The following ZFHX3 variants were observed in gnomAD, a reference collection of about 807,000 sequenced individuals.
The protein encoded by ZFHX3 is zinc finger homeobox protein 3.
ZFHX3 carries 42 observed loss-of-function variants against 279.1 expected under a neutral mutation model. The observed-to-expected ratio is 0.15, with a 90% CI of 0.12 to 0.19. ZFHX3 has a LOEUF of 0.19. ZFHX3 is among the 10% of genes least tolerant of loss of function. ZFHX3 has a pLI of 1.00. For missense variants in ZFHX3, 4,981 were observed against 4,754.0 expected (o/e 1.05, Z -1.40); for synonymous variants, 2,293 against 1,957.8 (o/e 1.17, Z -4.52).
intron 3 of ZFHX3, among the ~76,000 whole-genome samples, 175 bp downstream of exon 3, chr16:72,950,294 C>T (rs951120347): frequency 1.3e-5 from 2 of 152,084 alleles, no homozygotes; most frequent in African/African-American, 4.8e-5. Flanking sequence ...GTCACGTTTC[C>T]ACCTGGTGAC....
intron 4 of ZFHX3, among the ~76,000 whole-genome samples, chr16:73,277,322 A>G (rs1350490362): frequency 6.6e-6 from 1 of 152,210 alleles, no homozygotes; most frequent in Non-Finnish European, 1.5e-5. Flanking sequence ...CTTAATACCA[A>G]CCTTGCCTCA....
chr16:73,026,438 A>T (rs1020875143), intron 1 of ZFHX3, among the ~76,000 whole-genome samples: 1 of 151,756 alleles, frequency 6.6e-6, no homozygotes, highest in Non-Finnish European at 1.5e-5. Context: ...TTGGGAGGCC[A>T]AGGCGGGTGG....
intron 2 of ZFHX3, among the ~76,000 whole-genome samples, chr16:73,495,393 A>G (rs16972039): frequency 0.091 from 13,829 of 152,212 alleles, 969 homozygotes; most frequent in Admixed American, 0.24. Context: ...TTGGATGCAA[A>G]CGAAAGAAAT....
intron 3 of ZFHX3, among the ~76,000 whole-genome samples, chr16:72,894,888 G>C (rs565783658): frequency 1.3e-5 from 2 of 152,302 alleles, no homozygotes; most frequent in South Asian, 4.2e-4. Context: ...GGGCAACCGG[G>C]TTCTGTTTTT....
chr16:73,416,222 G>A (rs778596881), intron 3 of ZFHX3, among the ~76,000 whole-genome samples: 15 of 152,034 alleles, frequency 9.9e-5, no homozygotes, highest in Non-Finnish European at 1.9e-4. Context: ...CACACAGTGA[G>A]CACAGACTGG....
chr16:73,049,111 T>C (rs1965402579), upstream of ZFHX3, among the ~76,000 whole-genome samples: 2 of 152,200 alleles, frequency 1.3e-5, no homozygotes, highest in African/African-American at 4.8e-5. Context: ...AAGCGATTGC[T>C]GGGCGCCTTC....
chr16:73,502,104 G>A (rs1445931917), intron 2 of ZFHX3, among the ~76,000 whole-genome samples: 1 of 151,860 alleles, frequency 6.6e-6, no homozygotes, highest in Non-Finnish European at 1.5e-5. Flanking sequence ...GTTACTAATC[G>A]GGGGTGGGGG....
chr16:73,843,641 C>G (rs930286854), intron 1 of ZFHX3, among the ~76,000 whole-genome samples: 6 of 152,218 alleles, frequency 3.9e-5, no homozygotes, highest in African/African-American at 1.4e-4. Context: ...TTGCTCTCCT[C>G]GTATCATCTG....
intron 1 of ZFHX3, among the ~76,000 whole-genome samples, chr16:73,695,184 C>T (rs750996519): frequency 4.0e-5 from 6 of 151,894 alleles, no homozygotes; most frequent in Non-Finnish European, 8.8e-5. Context: ...TATATCTATA[C>T]TATTTTTTTC....
chr16:73,836,905 T>C (rs762696879), intron 1 of ZFHX3, among the ~76,000 whole-genome samples: 13 of 152,226 alleles, frequency 8.5e-5, no homozygotes, highest in Non-Finnish European at 1.8e-4. Flanking sequence ...TTGCCTCTCA[T>C]CTTCTGCCTC....
At chr16:72,869,510 A>G (rs192977660) in intron 4 of ZFHX3, among the ~76,000 whole-genome samples, 20 of 152,316 alleles carry the variant, frequency 1.3e-4, no homozygotes, top group Admixed American at 1.1e-3. Context: ...TTATTCTGTA[A>G]TAGTTTCTTT....
At chr16:73,406,055 A>G (rs1024948925) in intron 3 of ZFHX3, among the ~76,000 whole-genome samples, 1 of 152,226 alleles carries the variant, frequency 6.6e-6, no homozygotes, top group Admixed American at 6.5e-5. Context: ...CACACATTCT[A>G]TCGTCTCTAG....
At chr16:73,177,949 C>A (rs117542639) in intron 5 of ZFHX3, among the ~76,000 whole-genome samples, 4 of 151,478 alleles carry the variant, frequency 2.6e-5, no homozygotes, top group Non-Finnish European at 4.4e-5. Flanking sequence ...GTCAGCCTCA[C>A]GTGAAAAACA....
chr16:73,352,020 C>G (rs1301076931), intron 3 of ZFHX3, among the ~76,000 whole-genome samples: 1 of 152,232 alleles, frequency 6.6e-6, no homozygotes, highest in African/African-American at 2.4e-5. Flanking sequence ...TAACTTCTCC[C>G]TGGATGCAGG....
At chr16:73,545,633 CTCT>C (rs2020095608) in intron 2 of ZFHX3, among the ~76,000 whole-genome samples, 4 of 152,080 alleles carry the variant, frequency 2.6e-5, no homozygotes, top group Non-Finnish European at 5.9e-5. Context: ...TTAGTTTGTG[CTCT>C]TCTTCTTGCC....
At chr16:73,735,085 G>A (rs183199030) in intron 1 of ZFHX3, among the ~76,000 whole-genome samples, 6 of 152,082 alleles carry the variant, frequency 3.9e-5, no homozygotes, top group African/African-American at 1.2e-4. Flanking sequence ...CTTTAACCAC[G>A]TTAGGTATAC....
At chr16:73,257,058 C>G (rs535479067) in exon 5 of ZFHX3, 1 of 152,110 alleles carries the variant, frequency 6.6e-6, no homozygotes, top group African/African-American at 2.4e-5. Context: ...TTCTCCAAAT[C>G]GAGGGTGAAG....
intron 3 of ZFHX3, among the ~76,000 whole-genome samples, chr16:73,411,905 C>T (rs1028332534): frequency 3.3e-5 from 5 of 152,206 alleles, no homozygotes; most frequent in Non-Finnish European, 5.9e-5. Context: ...CAGGTGCCTC[C>T]ATGTGTGGAA....
chr16:72,878,895 C>A (rs1359418296), intron 4 of ZFHX3, among the ~76,000 whole-genome samples: 1 of 152,206 alleles, frequency 6.6e-6, no homozygotes, highest in Non-Finnish European at 1.5e-5. Flanking sequence ...CCACATGGCA[C>A]TGAGACAGAT....
Sources: gnomAD v4.1 joint callset for allele counts (sites outside exome capture counted in the v4.1 genomes callset) on GRCh38, gnomAD v4.1.1 for gene constraint, MANE v1.5 for transcripts, NCBI Gene and HGNC (gene_info 2026-07-23, HGNC 2026-07-21) for gene names.